Variants in CELSR1 observed in about 807,000 individuals in gnomAD.
CELSR1 encodes adhesion G protein-coupled receptor C1.
CELSR1 carries 110 observed loss-of-function variants against 249.1 expected under a neutral mutation model. The ratio of observed to expected loss-of-function variants is 0.44; its 90% CI spans 0.38 to 0.52. The LOEUF is 0.52. CELSR1 is among the 20% of genes least tolerant of loss of function. The pLI is 0.00. For missense variants in CELSR1, 4,109 were observed against 4,296.4 expected (o/e 0.96, Z 1.22); for synonymous variants, 2,113 against 1,900.0 (o/e 1.11, Z -2.92).
chr22:46,534,537 T>C lies in CELSR1; in HGVS notation c.2634A>G (p.Leu878=), dbSNP rs1318525045. ...CATTGGCATCGAGGATGAGGATCTC[T>C]AGGGTGGTGGTGTCTGATTTCTGCG... ...GIPQKSDTTT[L]EILILDANDN... The change falls in exon 1 of 35, where the codon CTA becomes CTG. Residue 878 remains leucine (L), a synonymous_variant. Coordinates refer to ENST00000674500, the MANE Select transcript of CELSR1 (RefSeq NM_001378328.1). This position sits in a 1 kb window ranked among gnomAD's most constrained non-coding sequence, Gnocchi z 9.7. 2 of 1,613,540 alleles carry C rather than the reference T, an allele frequency of 1.2e-6. No individual in the cohort carries two copies. The highest frequency in any genetic ancestry group is 1.7e-6 in the Non-Finnish European group (2 of 1,179,982).
At chr22:46,444,164 G>T (rs555085818) in intron 2 of CELSR1, among the ~76,000 whole-genome samples, 1 of 152,202 alleles carries the variant, frequency 6.6e-6, no homozygotes, top group Non-Finnish European at 1.5e-5. Flanking sequence ...CACCTGCTCC[G>T]GGTCGGAACT....
rs141102005 is a variant in CELSR1, at chr22:46,389,370, G to A, written c.6475C>T (p.Leu2159=). The part of the protein sequence containing the change: ...FGNDVRTAYQ[L]LGHVLQHESW... ...TCGTGCTGAAGGACGTGGCCCAGCA[G>A]CTGGTAGGCCGTGCGCACGTCATTG... The change falls in exon 18 of 35, where the codon CTG becomes TTG. Residue 2159 remains leucine, a synonymous_variant. Coordinates refer to ENST00000674500, the MANE Select transcript of CELSR1 (RefSeq NM_001378328.1). 6.2e-7 allele frequency: 1 copy of A among 1,610,902 alleles called. No homozygotes were observed. The highest frequency in any genetic ancestry group is 1.3e-5 in the African/African-American group (1 of 74,946).
rs568435872 is a variant in CELSR1, at chr22:46,376,852, A to G, written c.7584+209T>C. 6.6e-5 allele frequency among the ~76,000 whole-genome samples: 10 copies of G among 151,790 alleles called. No homozygotes were observed. The East Asian group carries it at 1.6e-3, about 24-fold the overall frequency. On this transcript the variant is annotated intron_variant, in intron 24 of 34. Coordinates refer to ENST00000674500, the MANE Select transcript of CELSR1 (RefSeq NM_001378328.1). ...GAAAGAAAGGGCCCCCCATCTCCCA[A>G]TAGAGTCAAAGTGCTTGGGCCTGCC...
At chr22:46,367,269 G>T in intron 28 of CELSR1, 151 bp from the exon 29 acceptor site, 2 of 1,139,512 alleles carry the variant, frequency 1.8e-6, no homozygotes, top group Non-Finnish European at 2.4e-6. Context: ...CCTCCTCAGG[G>T]ACTGCTGCTA....
At chr22:46,531,530 T>C (rs889156110) in intron 1 of CELSR1, among the ~76,000 whole-genome samples, 3 of 152,184 alleles carry the variant, frequency 2.0e-5, no homozygotes, top group African/African-American at 7.2e-5. Flanking sequence ...AAGCACCCAT[T>C]TGACCCTGGA....
chr22:46,451,996 G>A (rs753126860), intron 2 of CELSR1, among the ~76,000 whole-genome samples: 4 of 152,196 alleles, frequency 2.6e-5, no homozygotes, highest in African/African-American at 7.2e-5. Context: ...AAGGCCTGCA[G>A]CCACCAGGCG....
rs6008836 is a variant in CELSR1 at position 46,453,685 on chromosome 22, G to A, written c.4183+10022C>T. The stretch of plus-strand genomic sequence containing the variant: ...GAGAGAGCAGAGAACACTCGCCCCC[G>A]AGGTCGTCTGGGTCACTACTCTCAG... On this transcript the variant is annotated intron_variant, in intron 2 of 34. Coordinates refer to ENST00000674500, the MANE Select transcript of CELSR1 (RefSeq NM_001378328.1). Among the ~76,000 whole-genome samples, 1,015 of 152,252 alleles carry A rather than the reference G, an allele frequency of 6.7e-3. 11 individuals are homozygous for A. The highest frequency in any genetic ancestry group is 0.023 in the African/African-American group (952 of 41,554).
intron 20 of CELSR1, 26 bp downstream of exon 20, chr22:46,384,517 A>G: frequency 6.4e-7 from 1 of 1,568,958 alleles, no homozygotes; most frequent in Non-Finnish European, 8.7e-7. Flanking sequence ...CTCCGAGGGC[A>G]GCAGCAGGTT....
At chr22:46,371,883 ATCCATCCACCCACCTCTCCATCCC>A (rs1413839453) in intron 25 of CELSR1, among the ~76,000 whole-genome samples, 22 of 141,282 alleles carry the variant, frequency 1.6e-4, no homozygotes, top group African/African-American at 5.7e-4. Context: ...CCATCCATCC[ATCCATCCACCCACCTCTCCATCCC>A]TCCATCCACC....
intron 30 of CELSR1, among the ~76,000 whole-genome samples, 187 bp downstream of exon 30, chr22:46,366,199 G>A (rs764237795): frequency 8.1e-4 from 7 of 8,602 alleles, no homozygotes; most frequent in Non-Finnish European, 9.3e-4. Context: ...CAGGGGAAGG[G>A]AAGGTGCGAG....
At chr22:46,460,345 G>C (rs1396313067) in intron 2 of CELSR1, among the ~76,000 whole-genome samples, 2 of 152,252 alleles carry the variant, frequency 1.3e-5, no homozygotes, top group African/African-American at 4.8e-5. Context: ...GGAAACCTAT[G>C]ATCCATCTGA....
chr22:46,481,447 T>G, intron 1 of CELSR1: 1 of 1,584,268 alleles, frequency 6.3e-7, no homozygotes, highest in Non-Finnish European at 8.6e-7. Flanking sequence ...CTGAAGCTCC[T>G]TACTCCCAGC....
intron 1 of CELSR1, among the ~76,000 whole-genome samples, chr22:46,529,533 T>G (rs1374367235): frequency 6.6e-6 from 1 of 152,162 alleles, no homozygotes; most frequent in African/African-American, 2.4e-5. Context: ...CCAGGCACAG[T>G]GGCTCACGCC....
chr22:46,400,951 CAA>C (rs35664137), intron 9 of CELSR1, among the ~76,000 whole-genome samples: 6 of 138,534 alleles, frequency 4.3e-5, no homozygotes, highest in Non-Finnish European at 3.2e-5. Flanking sequence ...GAACCTGTCT[CAA>C]AAAAAAAAAA....
intron 1 of CELSR1, among the ~76,000 whole-genome samples, chr22:46,498,278 C>T (rs1385956108): frequency 1.3e-4 from 3 of 22,368 alleles, no homozygotes; most frequent in Non-Finnish European, 2.6e-4. Context: ...AAAAAAAAAG[C>T]GAAACTCTGT....
In CELSR1 at chr22:46,384,255, T is replaced by C. The variant is rs144548324; in HGVS notation, c.6883+288A>G. 2.6e-5 allele frequency among the ~76,000 whole-genome samples: 4 copies of C among 152,344 alleles called. No individual in the cohort carries two copies. The East Asian group carries it at 7.7e-4, about 29-fold the overall frequency. The stretch of plus-strand genomic sequence containing the variant: ...CTGGCCTGGATTTTGATTTTTTTAT[T>C]GTTTCATGCTTACGCTCCAATGAGC... On this transcript the variant is annotated intron_variant, in intron 20 of 34. Transcript: ENST00000674500.
At position 46,391,877 on chromosome 22, in the gene CELSR1, G is replaced by A. The variant is rs2079096709; in HGVS notation, c.5965-61C>T. ...TGCCCGGGAGAGGCCCTACCTTGCA[G>A]CGTGTTTCCCGAGCGACGTCCAGAC... On this transcript the variant is annotated intron_variant, in intron 14 of 34. Coordinates refer to ENST00000674500, the MANE Select transcript of CELSR1 (RefSeq NM_001378328.1). This position sits in a 1 kb window ranked among gnomAD's most constrained non-coding sequence, Gnocchi z 4.3. The A allele has an allele frequency of 9.1e-6, 14 of 1,535,410 alleles. No homozygotes were observed. Among genetic ancestry groups the A allele is most frequent in the Non-Finnish European group, 1.1e-5 (13 of 1,140,972 alleles).
rs957048415 is a variant in CELSR1, at chr22:46,374,878, G to A, written c.7585-1821C>T. On this transcript the variant is annotated intron_variant, in intron 24 of 34. Coordinates refer to ENST00000674500, the MANE Select transcript of CELSR1 (RefSeq NM_001378328.1). This position sits in a 1 kb window ranked among gnomAD's most constrained non-coding sequence, Gnocchi z 4.3. Reference sequence around the variant, plus strand: ...ACCCTGCCATATGGGCCCCGCACACGGAGCCCCCGCCAGCCCGGGGCCTCG... The same window carrying A: ...ACCCTGCCATATGGGCCCCGCACACAGAGCCCCCGCCAGCCCGGGGCCTCG... Among the ~76,000 whole-genome samples, 1 of 152,164 alleles carries A rather than the reference G, an allele frequency of 6.6e-6. No homozygotes were observed.
At chr22:46,513,671 T>C (rs1414101485) in intron 1 of CELSR1, among the ~76,000 whole-genome samples, 8 of 152,296 alleles carry the variant, frequency 5.3e-5, no homozygotes, top group African/African-American at 1.7e-4. Context: ...GCAACACTTC[T>C]GTTTACTCCG....
Sources: gnomAD v4.1 joint callset for allele counts (sites outside exome capture counted in the v4.1 genomes callset) on GRCh38, gnomAD v4.1.1 for gene constraint, Gnocchi (gnomAD v3.1) non-coding constraint, MANE v1.5 for transcripts, NCBI Gene and HGNC (gene_info 2026-07-23, HGNC 2026-07-21) for gene names.